The following RIMS2 variants were observed in gnomAD, a reference collection of about 807,000 sequenced individuals.
RIMS2 encodes regulating synaptic membrane exocytosis 2, also known as regulating synaptic membrane exocytosis protein 2.
In RIMS2, 59 loss-of-function variants were observed where a neutral mutation model predicts 174.4. The ratio of observed to expected loss-of-function variants is 0.34; its 90% CI spans 0.27 to 0.42. The LOEUF (loss-of-function observed/expected upper bound fraction) is 0.42. Ranked by LOEUF, RIMS2 falls within the 10% of genes least tolerant of loss-of-function variation. RIMS2 has a pLI of 1.00. For synonymous variants in RIMS2, 606 were observed against 572.5 expected, an observed-to-expected ratio of 1.06 and a Z score of -0.84; for missense variants, 1,620 against 1,666.3, an observed-to-expected ratio of 0.97 and a Z score of 0.48.
At chr8:104,173,289 T>G (rs1204998221) in intron 19 of RIMS2, among the ~76,000 whole-genome samples, 2 of 152,342 alleles carry the variant, frequency 1.3e-5, no homozygotes, top group East Asian at 3.9e-4. Flanking sequence ...GGAAGACTCT[T>G]GTTTCATACC....
chr8:104,115,862 TTCAGGAGA>T (rs1172611271), intron 19 of RIMS2, among the ~76,000 whole-genome samples: 1 of 152,138 alleles, frequency 6.6e-6, no homozygotes, highest in African/African-American at 2.4e-5. Context: ...GATCTGCTGT[TTCAGGAGA>T]TCAGAAACCC....
In RIMS2 at chr8:103,885,200, G is replaced by A. The variant is rs530434507; in HGVS notation, c.699-98G>A. ...AAAATGAAATTTTAAAAAGGCAAAA[G>A]GACTACTTAGTTATCCATCAACCTG... is the stretch of plus-strand genomic sequence containing the variant. On this transcript the variant is annotated intron_variant, in intron 3 of 23. Transcript: ENST00000504942. The A allele has an allele frequency of 7.7e-6, 11 of 1,433,262 alleles. No homozygotes were observed. The Admixed American group carries it at 1.4e-4, about 18-fold the overall frequency. The allele number at this position is 1,433,262 out of a possible 1,614,324, so 88.8% of individuals were successfully genotyped here.
intron 1 of RIMS2, among the ~76,000 whole-genome samples, chr8:103,617,452 GAAAGATTCCATGAC>G (rs1345020213): frequency 6.6e-6 from 1 of 152,094 alleles, no homozygotes; most frequent in African/African-American, 2.4e-5. Context: ...CAGGAATGGG[GAAAGATTCCATGAC>G]AAAGATACCA....
At position 103,789,749 on chromosome 8, in the gene RIMS2, C is replaced by CTTTTTTTTTT. The variant is rs11354049; in HGVS notation, c.698+23225_698+23234dup. Among the ~76,000 whole-genome samples, 148 of 85,148 alleles carry CTTTTTTTTTT rather than the reference C, an allele frequency of 1.7e-3. 5 individuals carry two copies. The highest frequency in any genetic ancestry group is 3.3e-3 in the African/African-American group (69 of 21,104). The allele number at this position is 85,148 out of a possible 152,430, so 55.9% of individuals were successfully genotyped here. ...AACATATATTATGATGGATTGTACT[C>CTTTTTTTTTT]TTTTTTTTTTTTTTTTTTTTTTGAG... On this transcript the variant is annotated intron_variant, in intron 3 of 23. Transcript: ENST00000504942.
At chr8:103,546,655 C>G (rs536424961) in intron 1 of RIMS2, among the ~76,000 whole-genome samples, 1 of 152,270 alleles carries the variant, frequency 6.6e-6, no homozygotes, top group Admixed American at 6.5e-5. Flanking sequence ...TCAGCAGATT[C>G]AAAAACACCT....
intron 1 of RIMS2, among the ~76,000 whole-genome samples, chr8:103,633,192 ATTT>A (rs150376641): frequency 2.2e-5 from 3 of 134,930 alleles, no homozygotes; most frequent in Non-Finnish European, 1.6e-5. Flanking sequence ...ACGCCCGGCT[ATTT>A]TTTTTTTTTT....
intron 19 of RIMS2, among the ~76,000 whole-genome samples, chr8:104,198,969 A>G: frequency 6.6e-6 from 1 of 152,266 alleles, no homozygotes; most frequent in Non-Finnish European, 1.5e-5. Flanking sequence ...AGTTACTTAT[A>G]TAATGAATTG....
At chr8:103,695,344 A>G (rs1299065078) in intron 1 of RIMS2, among the ~76,000 whole-genome samples, 2 of 152,100 alleles carry the variant, frequency 1.3e-5, no homozygotes, top group Non-Finnish European at 1.5e-5. Context: ...GTCAGTCTCC[A>G]TTGATTTTTT....
chr8:103,855,704 T>C (rs1420123987), intron 3 of RIMS2, among the ~76,000 whole-genome samples: 2 of 152,172 alleles, frequency 1.3e-5, no homozygotes, highest in African/African-American at 4.8e-5. Context: ...CTGTTTTTAT[T>C]GCACTGTGTT....
rs759049222 is a variant in RIMS2, at chr8:103,910,280, C to CT, written c.1692+85dup. The CT allele has an allele frequency of 3.5e-6, 5 of 1,419,148 alleles. No individual in the cohort carries two copies. The African/African-American group carries it at 5.9e-5, about 17-fold the overall frequency. The allele number at this position is 1,419,148 out of a possible 1,614,324, so 87.9% of individuals were successfully genotyped here. On this transcript the variant is annotated intron_variant, in intron 5 of 23. Transcript: ENST00000504942. ...TTTTTATTTACACCTTTGCATGTTT[C>CT]TTTTTTGTATCTTTTTTTTTTTTTT...
At chr8:104,084,027 GTTGT>G (rs1215498108) in intron 19 of RIMS2, among the ~76,000 whole-genome samples, 2 of 152,070 alleles carry the variant, frequency 1.3e-5, no homozygotes, top group African/African-American at 2.4e-5. Flanking sequence ...ATATTTGAAA[GTTGT>G]TTGTAAACTA....
chr8:103,754,269 C>G (rs556943664), intron 2 of RIMS2, among the ~76,000 whole-genome samples: 3 of 152,194 alleles, frequency 2.0e-5, no homozygotes, highest in Admixed American at 6.6e-5. Context: ...TGAGTCCTAA[C>G]TTGATTGCAC....
chr8:103,945,741 T>C (rs554450558), intron 14 of RIMS2, among the ~76,000 whole-genome samples: 2 of 150,668 alleles, frequency 1.3e-5, no homozygotes, highest in South Asian at 4.2e-4. Context: ...TCAATGCTCA[T>C]TCACAATTAA....
intron 2 of RIMS2, among the ~76,000 whole-genome samples, chr8:103,714,622 A>G (rs990066232): frequency 6.6e-6 from 1 of 152,184 alleles, no homozygotes. Context: ...AATCATGGAA[A>G]GTTGCACAAA....
intron 3 of RIMS2, among the ~76,000 whole-genome samples, chr8:103,826,980 A>G (rs569611134): frequency 6.6e-6 from 1 of 152,028 alleles, no homozygotes; most frequent in South Asian, 2.1e-4. Context: ...CCAGCCTCAT[A>G]TATTTTTTAT....
intron 3 of RIMS2, among the ~76,000 whole-genome samples, chr8:103,841,592 C>A (rs2098940087): frequency 6.6e-6 from 1 of 152,040 alleles, no homozygotes; most frequent in Non-Finnish European, 1.5e-5. Flanking sequence ...ACATTTTACT[C>A]CACAAAATCT....
intron 14 of RIMS2, among the ~76,000 whole-genome samples, chr8:103,950,608 A>G (rs2154543176): frequency 6.6e-6 from 1 of 152,264 alleles, no homozygotes; most frequent in East Asian, 1.9e-4. Context: ...AAAGACCCTA[A>G]GCAAAGTAGG....
chr8:103,764,435 G>C (rs149733944), intron 2 of RIMS2, among the ~76,000 whole-genome samples: 3 of 152,250 alleles, frequency 2.0e-5, no homozygotes, highest in Non-Finnish European at 4.4e-5. Context: ...TTGTGGTTCT[G>C]TTTTGCGTGA....
intron 10 of RIMS2, among the ~76,000 whole-genome samples, chr8:103,923,740 C>G (rs547516694): frequency 1.3e-5 from 2 of 151,598 alleles, no homozygotes. Context: ...ATACCCATAC[C>G]CCACCCACAT....
Sources: allele counts gnomAD v4.1 joint callset (sites outside exome capture counted in the v4.1 genomes callset), GRCh38; gene constraint gnomAD v4.1.1; transcripts MANE v1.5; gene names NCBI Gene and HGNC (gene_info 2026-07-23, HGNC 2026-07-21).